The following ZSWIM6 variants were observed in gnomAD, a reference collection of about 807,000 sequenced individuals.
ZSWIM6 encodes zinc finger SWIM domain-containing protein 6.
A neutral mutation model predicts 113.2 loss-of-function variants in ZSWIM6; 9 were observed. That is an observed-to-expected ratio of 0.08 (90% CI 0.05 to 0.14). The LOEUF (loss-of-function observed/expected upper bound fraction) is 0.14. Ranked by LOEUF, ZSWIM6 falls within the 10% of genes least tolerant of loss-of-function variation. The probability of loss-of-function intolerance (pLI) is 1.00; values close to 1 mark genes in which losing one functional copy is unlikely to be tolerated. For synonymous variants in ZSWIM6, 611 were observed against 606.5 expected, an observed-to-expected ratio of 1.01 and a Z score of -0.11; for missense variants, 1,162 against 1,552.2, an observed-to-expected ratio of 0.75 and a Z score of 4.22.
intron 1 of ZSWIM6, among the ~76,000 whole-genome samples, chr5:61,441,706 T>C (rs1219106433): frequency 6.6e-6 from 1 of 152,194 alleles, no homozygotes; most frequent in Non-Finnish European, 1.5e-5. Context: ...TAGTTAAGAC[T>C]CAATTTCTAT....
chr5:61,506,736 T>C (rs1240899445), intron 4 of ZSWIM6, among the ~76,000 whole-genome samples: 1 of 152,180 alleles, frequency 6.6e-6, no homozygotes, highest in African/African-American at 2.4e-5. Flanking sequence ...ATTATGCCAG[T>C]GATCTCCTAT....
chr5:61,358,057 G>A (rs1199241233), intron 1 of ZSWIM6, among the ~76,000 whole-genome samples: 1 of 152,052 alleles, frequency 6.6e-6, no homozygotes, highest in Non-Finnish European at 1.5e-5. Context: ...CTCATTTATT[G>A]CTTAAAACTA....
intron 2 of ZSWIM6, among the ~76,000 whole-genome samples, chr5:61,485,382 T>C (rs767960521): frequency 1.3e-5 from 2 of 152,350 alleles, no homozygotes; most frequent in Middle Eastern, 6.8e-3. Flanking sequence ...CTTCCCATAG[T>C]ATATCCAGCT....
chr5:61,469,786 C>T (rs1747524011), intron 1 of ZSWIM6, among the ~76,000 whole-genome samples: 1 of 152,104 alleles, frequency 6.6e-6, no homozygotes, highest in South Asian at 2.1e-4. Context: ...TGGCTCACTG[C>T]AAGCTCCGCC....
intron 1 of ZSWIM6, among the ~76,000 whole-genome samples, chr5:61,392,705 C>T (rs13158675): frequency 0.21 from 32,366 of 152,006 alleles, 3,631 homozygotes; most frequent in South Asian, 0.31. Context: ...CTCCGCCTCC[C>T]AGATTCAAGT....
intron 9 of ZSWIM6, among the ~76,000 whole-genome samples, chr5:61,533,850 C>G (rs1749507990): frequency 6.6e-6 from 1 of 152,168 alleles, no homozygotes. Flanking sequence ...GTTCTGGAGG[C>G]TGGGAAGTTT....
intron 4 of ZSWIM6, among the ~76,000 whole-genome samples, chr5:61,520,137 T>C (rs982095671): frequency 6.6e-6 from 1 of 152,170 alleles, no homozygotes; most frequent in Non-Finnish European, 1.5e-5. Flanking sequence ...TGGAAGAAGC[T>C]TGTTTATTTT....
Position 61,470,122 on chromosome 5 carries a change from G to A in ZSWIM6, c.677-2559G>A, listed in dbSNP as rs185773823. On this transcript the variant is annotated intron_variant, in intron 1 of 13. Coordinates refer to ENST00000252744, the MANE Select transcript of ZSWIM6 (RefSeq NM_020928.2). ...CTTGGCTTTGCCTGTAATTAGAATA[G>A]TTCTCCATCTTCAAGGTGTGGGGAT... Among the ~76,000 whole-genome samples, 16 of 152,282 alleles carry A rather than the reference G, an allele frequency of 1.1e-4. No individual in the cohort carries two copies. The East Asian group carries it at 1.5e-3, about 15-fold the overall frequency.
chr5:61,349,420 C>T (rs990262854), intron 1 of ZSWIM6, among the ~76,000 whole-genome samples: 1 of 152,076 alleles, frequency 6.6e-6, no homozygotes, highest in Non-Finnish European at 1.5e-5. Flanking sequence ...GCATGAAATT[C>T]TCTTAATTGA....
chr5:61,369,439 A>G (rs1420967595), intron 1 of ZSWIM6, among the ~76,000 whole-genome samples: 1 of 152,218 alleles, frequency 6.6e-6, no homozygotes, highest in Non-Finnish European at 1.5e-5. Context: ...CAAAAGGCCA[A>G]ATTCTCAGAA....
At chr5:61,413,729 A>G (rs1242176860) in intron 1 of ZSWIM6, among the ~76,000 whole-genome samples, 1 of 152,028 alleles carries the variant, frequency 6.6e-6, no homozygotes. Context: ...TTGGTGTGAG[A>G]TGGTATCTCA....
In ZSWIM6 at chr5:61,456,911, T is replaced by TA. The variant is rs397973355; in HGVS notation, c.677-15769dup. 4.2e-3 allele frequency among the ~76,000 whole-genome samples: 636 copies of TA among 149,772 alleles called. 3 individuals are homozygous for TA. Among genetic ancestry groups the TA allele is most frequent in the African/African-American group, 0.014 (572 of 40,758 alleles). ...ATTTCTTTTTTTTTTTTCTTTTTTT[T>TA]ATTATTATTATACTTTAAGTTTTAG... On this transcript the variant is annotated intron_variant, in intron 1 of 13. Coordinates refer to ENST00000252744, the MANE Select transcript of ZSWIM6 (RefSeq NM_020928.2).
Position 61,530,046 on chromosome 5 carries a change from A to T in ZSWIM6, c.1838-6A>T. Reference sequence around the variant, plus strand: ...CCCCATTTCTCAATTCCCTTTCCTTACACAGAGCTACCCCATAAAAACATA... The same window carrying T: ...CCCCATTTCTCAATTCCCTTTCCTTTCACAGAGCTACCCCATAAAAACATA... On this transcript the variant is annotated splice_polypyrimidine_tract_variant and splice_region_variant and intron_variant, in intron 7 of 13. Coordinates refer to ENST00000252744, the MANE Select transcript of ZSWIM6 (RefSeq NM_020928.2). 6.5e-7 allele frequency: 1 copy of T among 1,544,742 alleles called. No individual in the cohort carries two copies. Among genetic ancestry groups the T allele is most frequent in the Non-Finnish European group, 8.8e-7 (1 of 1,142,792 alleles).
At chr5:61,445,234 A>G (rs1015863822) in intron 1 of ZSWIM6, among the ~76,000 whole-genome samples, 5 of 152,242 alleles carry the variant, frequency 3.3e-5, no homozygotes, top group Non-Finnish European at 7.3e-5. Context: ...TGTCATTTAA[A>G]AAAAAGTTTA....
intron 1 of ZSWIM6, among the ~76,000 whole-genome samples, chr5:61,374,646 C>G (rs532740640): frequency 6.6e-6 from 1 of 152,158 alleles, no homozygotes; most frequent in East Asian, 1.9e-4. Flanking sequence ...CTCCGCCTCC[C>G]GGGTTCACGC....
chr5:61,362,732 G>A (rs1579953709), intron 1 of ZSWIM6, among the ~76,000 whole-genome samples: 1 of 152,154 alleles, frequency 6.6e-6, no homozygotes, highest in East Asian at 1.9e-4. Flanking sequence ...GTGCCATCAA[G>A]TGATGACTGC....
chr5:61,405,861 G>T (rs896457655), intron 1 of ZSWIM6, among the ~76,000 whole-genome samples: 21 of 152,304 alleles, frequency 1.4e-4, no homozygotes, highest in South Asian at 8.3e-4. Flanking sequence ...GAAGATTAAA[G>T]TCTTTTATTT....
At chr5:61,467,230 GAAA>G (rs372302749) in intron 1 of ZSWIM6, among the ~76,000 whole-genome samples, 3 of 151,732 alleles carry the variant, frequency 2.0e-5, no homozygotes, top group Admixed American at 6.6e-5. Flanking sequence ...AAATTAAAAA[GAAA>G]AAAATATCTA....
At chr5:61,453,430 C>T (rs539447402) in intron 1 of ZSWIM6, among the ~76,000 whole-genome samples, 1 of 147,116 alleles carries the variant, frequency 6.8e-6, no homozygotes, top group South Asian at 2.1e-4. Flanking sequence ...GTTTGGGTTA[C>T]AGCGGCGTGA....
Sources: allele counts gnomAD v4.1 joint callset (sites outside exome capture counted in the v4.1 genomes callset), GRCh38; gene constraint gnomAD v4.1.1; transcripts MANE v1.5; gene names NCBI Gene and HGNC (gene_info 2026-07-23, HGNC 2026-07-21).